Variants in UTRN observed in about 807,000 individuals in gnomAD.
UTRN encodes utrophin.
Under a neutral mutation model 463.9 loss-of-function variants are expected in UTRN, and 283 were observed. That is an observed-to-expected ratio of 0.61 (90% CI 0.55 to 0.67). The LOEUF (loss-of-function observed/expected upper bound fraction) is 0.67, where lower values mean the gene tolerates loss of function less well. UTRN is among the 30% of genes least tolerant of loss of function. The pLI is 0.00. For missense variants in UTRN, 3,922 were observed against 4,084.3 expected (o/e 0.96, Z 1.08); for synonymous variants, 1,442 against 1,431.5 (o/e 1.01, Z -0.17).
chr6:144,518,081 T>G (rs1280341975), intron 39 of UTRN, among the ~76,000 whole-genome samples: 1 of 152,236 alleles, frequency 6.6e-6, no homozygotes, highest in African/African-American at 2.4e-5. Context: ...TACCAGCTGC[T>G]TGTTTTATGA....
chr6:144,810,289 G>A (rs1011042833), intron 65 of UTRN, among the ~76,000 whole-genome samples: 2 of 152,172 alleles, frequency 1.3e-5, no homozygotes, highest in Non-Finnish European at 2.9e-5. Context: ...TGGAGGTAGT[G>A]TGTCCTGAAC....
At chr6:144,725,636 A>G (rs1787791096) in intron 53 of UTRN, among the ~76,000 whole-genome samples, 1 of 152,210 alleles carries the variant, frequency 6.6e-6, no homozygotes, top group Non-Finnish European at 1.5e-5. Flanking sequence ...ATTGGAGTCT[A>G]ATGATCTTAT....
At chr6:144,340,249 C>T (rs528292755) in intron 2 of UTRN, among the ~76,000 whole-genome samples, 2 of 152,116 alleles carry the variant, frequency 1.3e-5, no homozygotes, top group Non-Finnish European at 2.9e-5. Flanking sequence ...ATTTAGTCTC[C>T]CTGGTGTTGG....
chr6:144,617,478 G>A (rs376010632), intron 51 of UTRN, among the ~76,000 whole-genome samples: 2 of 152,184 alleles, frequency 1.3e-5, no homozygotes, highest in South Asian at 2.1e-4. Context: ...GCTTCAGCAA[G>A]TTATATTTCT....
At chr6:144,569,543 C>A (rs1400341454) in intron 50 of UTRN, among the ~76,000 whole-genome samples, 1 of 152,062 alleles carries the variant, frequency 6.6e-6, no homozygotes, top group East Asian at 1.9e-4. Context: ...TATCTCATTT[C>A]CTCCTTCAAA....
chr6:144,554,974 A>G, intron 49 of UTRN, 81 bp downstream of exon 49: 2 of 1,423,394 alleles, frequency 1.4e-6, no homozygotes, highest in Non-Finnish European at 9.6e-7. Flanking sequence ...ATTCTTAACA[A>G]TAGGACCCTG....
chr6:144,560,773 A>G (rs1231541633), intron 50 of UTRN, among the ~76,000 whole-genome samples: 1 of 152,110 alleles, frequency 6.6e-6, no homozygotes, highest in Non-Finnish European at 1.5e-5. Context: ...GCAGCTCTTT[A>G]TTAAAGTCTT....
chr6:144,365,526 G>A (rs1779431936), intron 2 of UTRN, among the ~76,000 whole-genome samples: 1 of 152,116 alleles, frequency 6.6e-6, no homozygotes, highest in African/African-American at 2.4e-5. Context: ...TGATTTAATG[G>A]TTTTCTCTCA....
intron 52 of UTRN, among the ~76,000 whole-genome samples, chr6:144,689,162 G>A (rs1173645205): frequency 6.6e-6 from 1 of 152,178 alleles, no homozygotes; most frequent in African/African-American, 2.4e-5. Flanking sequence ...ATGTAAGCCT[G>A]AACCTGGAAG....
In UTRN at chr6:144,515,132, T is replaced by C. The variant is rs913854372; in HGVS notation, c.5244+312T>C. Among the ~76,000 whole-genome samples the C allele has an allele frequency of 2.6e-5, 4 of 152,190 alleles. No individual in the cohort carries two copies. The East Asian group carries it at 7.7e-4, about 29-fold the overall frequency. On this transcript the variant is annotated intron_variant, in intron 37 of 74. Coordinates refer to ENST00000367545, the MANE Select transcript of UTRN (RefSeq NM_007124.3). ...CTTGGCCAGGCTGGTCTTGAGCTGCTGACCTCAAGTGATCTGCCCGCCTTG... is the reference window on the plus strand; with the variant it reads ...CTTGGCCAGGCTGGTCTTGAGCTGCCGACCTCAAGTGATCTGCCCGCCTTG...
intron 2 of UTRN, among the ~76,000 whole-genome samples, chr6:144,401,229 A>G (rs1782912214): frequency 6.6e-6 from 1 of 152,220 alleles, no homozygotes; most frequent in South Asian, 2.1e-4. Context: ...ACTGCATATA[A>G]CAAGATTTAT....
At chr6:144,711,623 C>T (rs1302568914) in intron 53 of UTRN, among the ~76,000 whole-genome samples, 4 of 152,236 alleles carry the variant, frequency 2.6e-5, no homozygotes, top group African/African-American at 9.6e-5. Flanking sequence ...ATTTGCACTT[C>T]ATTTTCATAA....
At chr6:144,641,806 C>T (rs965189390) in intron 51 of UTRN, among the ~76,000 whole-genome samples, 1 of 152,064 alleles carries the variant, frequency 6.6e-6, no homozygotes, top group Non-Finnish European at 1.5e-5. Flanking sequence ...TACTCAAGAC[C>T]CGAATAATAT....
At chr6:144,545,184 C>T (rs1483819740) in intron 46 of UTRN, among the ~76,000 whole-genome samples, 2 of 152,196 alleles carry the variant, frequency 1.3e-5, no homozygotes, top group Non-Finnish European at 2.9e-5. Context: ...TGGTCTTGAA[C>T]ACCCTTATCT....
At chr6:144,301,282 A>G (rs959267005) in intron 2 of UTRN, among the ~76,000 whole-genome samples, 1 of 152,218 alleles carries the variant, frequency 6.6e-6, no homozygotes, top group Non-Finnish European at 1.5e-5. Context: ...ATCAGAGTTG[A>G]CTTGAATTAT....
At chr6:144,609,093 A>G (rs1805193544) in intron 51 of UTRN, among the ~76,000 whole-genome samples, 1 of 152,206 alleles carries the variant, frequency 6.6e-6, no homozygotes, top group Admixed American at 6.5e-5. Context: ...GACTGGCTCA[A>G]TGGATGGGGA....
At chr6:144,640,918 T>G (rs1319192351) in intron 51 of UTRN, among the ~76,000 whole-genome samples, 1 of 152,172 alleles carries the variant, frequency 6.6e-6, no homozygotes, top group Admixed American at 6.5e-5. Flanking sequence ...TATTTCAGAT[T>G]AATAAGTAAA....
At chr6:144,485,589 A>G in intron 28 of UTRN, 70 bp downstream of exon 28, 2 of 1,585,316 alleles carry the variant, frequency 1.3e-6, no homozygotes, top group African/African-American at 1.4e-5. Context: ...ACAATGAGGA[A>G]TGTAATGCTT....
At chr6:144,362,376 G>A (rs1350759744) in intron 2 of UTRN, among the ~76,000 whole-genome samples, 6 of 152,212 alleles carry the variant, frequency 3.9e-5, no homozygotes, top group Non-Finnish European at 8.8e-5. Context: ...ACCTCCAGGA[G>A]CACTTGTCTT....
Sources: allele counts gnomAD v4.1 joint callset (sites outside exome capture counted in the v4.1 genomes callset), GRCh38; gene constraint gnomAD v4.1.1; transcripts MANE v1.5; gene names NCBI Gene and HGNC (gene_info 2026-07-23, HGNC 2026-07-21).